The following MGAT4C variants were observed in gnomAD, a reference collection of about 807,000 sequenced individuals.
MGAT4C encodes the protein MGAT4 family member C.
MGAT4C carries 19 observed loss-of-function variants against 40.1 expected under a neutral mutation model. The ratio of observed to expected loss-of-function variants is 0.47; its 90% confidence interval spans 0.33 to 0.70. The LOEUF is 0.70. Ranked by LOEUF, MGAT4C falls within the 30% of genes least tolerant of loss-of-function variation. The pLI is 0.02. For missense variants in MGAT4C, 491 were observed against 563.2 expected (o/e 0.87, Z 1.30); for synonymous variants, 181 against 187.1 (o/e 0.97, Z 0.27).
chr12:86,363,031 AG>A (rs1955516580), intron 3 of MGAT4C, among the ~76,000 whole-genome samples: 1 of 152,186 alleles, frequency 6.6e-6, no homozygotes, highest in African/African-American at 2.4e-5. Flanking sequence ...ATCTAACAAC[AG>A]AACTTAAAAT....
chr12:86,837,362 T>A (rs1195953933), intron 1 of MGAT4C, among the ~76,000 whole-genome samples: 1 of 152,208 alleles, frequency 6.6e-6, no homozygotes, highest in African/African-American at 2.4e-5. Context: ...GAAAATGCAC[T>A]TAAAGTTACG....
chr12:86,499,463 C>T (rs1958298079), intron 2 of MGAT4C, among the ~76,000 whole-genome samples: 1 of 151,648 alleles, frequency 6.6e-6, no homozygotes. Context: ...CAAACTGGGT[C>T]TAAGTGAGAA....
intron 1 of MGAT4C, among the ~76,000 whole-genome samples, chr12:86,751,401 G>A (rs1018448043): frequency 6.6e-6 from 1 of 151,954 alleles, no homozygotes; most frequent in African/African-American, 2.4e-5. Context: ...GTGTGCAGAT[G>A]TAAAAATCCA....
chr12:86,779,423 C>T (rs1951797966), intron 1 of MGAT4C, among the ~76,000 whole-genome samples: 1 of 151,480 alleles, frequency 6.6e-6, no homozygotes, highest in Non-Finnish European at 1.5e-5. Flanking sequence ...AGCGAGACCC[C>T]ATCTCTACAA....
intron 1 of MGAT4C, among the ~76,000 whole-genome samples, chr12:86,117,544 G>T (rs1456753126): frequency 1.3e-5 from 2 of 152,098 alleles, no homozygotes; most frequent in Non-Finnish European, 2.9e-5. Flanking sequence ...AAAATGCAGA[G>T]ATATAGGAAT....
rs185492916 is a variant in MGAT4C at position 86,581,191 on chromosome 12, A to T, written c.-228-145926T>A. ...TCCTTTGCTTTAGCTGTTGCTGCAG[A>T]CAAGTACAGTGATGTTGAGATTTTC... On this transcript the variant is annotated intron_variant, in intron 2 of 7. Transcript: ENST00000548651. Among the ~76,000 whole-genome samples the T allele has an allele frequency of 3.3e-5, 5 of 151,598 alleles. No homozygotes were observed. In the East Asian group the frequency reaches 7.8e-4, roughly 24 times the overall value.
chr12:86,570,534 G>A lies in MGAT4C; in HGVS notation c.-228-135269C>T, dbSNP rs903843428. 5.9e-5 allele frequency among the ~76,000 whole-genome samples: 9 copies of A among 152,096 alleles called. No homozygotes were observed. In the South Asian group the frequency reaches 6.2e-4, roughly 11 times the overall value. On this transcript the variant is annotated intron_variant, in intron 2 of 7. Transcript: ENST00000548651. ...AGCTGAAAAATTAAACTAAAAAAGCGCATCCATTTAAAATGGCTCAAAAAT... is the reference window on the plus strand; with the variant it reads ...AGCTGAAAAATTAAACTAAAAAAGCACATCCATTTAAAATGGCTCAAAAAT...
At chr12:86,634,026 T>G (rs1963141586) in intron 2 of MGAT4C, among the ~76,000 whole-genome samples, 1 of 152,072 alleles carries the variant, frequency 6.6e-6, no homozygotes, top group African/African-American at 2.4e-5. Context: ...ATGCTCTGGT[T>G]AATATAATTA....
At chr12:86,504,430 C>G (rs958173991) in intron 2 of MGAT4C, among the ~76,000 whole-genome samples, 10 of 152,102 alleles carry the variant, frequency 6.6e-5, no homozygotes, top group African/African-American at 2.2e-4. Flanking sequence ...TGAGTATTAA[C>G]AAGTGATAGA....
chr12:86,089,608 C>G (rs895636480), intron 1 of MGAT4C, among the ~76,000 whole-genome samples: 1 of 151,738 alleles, frequency 6.6e-6, no homozygotes, highest in Non-Finnish European at 1.5e-5. Context: ...TCTTGTCCTG[C>G]TGATTATCTT....
At chr12:86,478,761 C>T (rs906406227) in intron 2 of MGAT4C, among the ~76,000 whole-genome samples, 2 of 151,970 alleles carry the variant, frequency 1.3e-5, no homozygotes, top group Non-Finnish European at 2.9e-5. Flanking sequence ...ACCTCACAAC[C>T]ATATTATGCT....
chr12:86,358,279 T>C (rs1955365346), intron 3 of MGAT4C, among the ~76,000 whole-genome samples: 2 of 151,622 alleles, frequency 1.3e-5, no homozygotes, highest in African/African-American at 4.8e-5. Context: ...AAGTAAATAT[T>C]GAGATTTTGT....
At chr12:86,834,469 G>A (rs1330880299) in intron 1 of MGAT4C, among the ~76,000 whole-genome samples, 2 of 151,786 alleles carry the variant, frequency 1.3e-5, no homozygotes, top group African/African-American at 4.8e-5. Flanking sequence ...TGGATGTGGT[G>A]ATGTTATGAC....
intron 2 of MGAT4C, among the ~76,000 whole-genome samples, chr12:86,637,313 T>C (rs763115560): frequency 5.9e-5 from 9 of 151,968 alleles, no homozygotes; most frequent in Non-Finnish European, 1.3e-4. Context: ...GTACTCTGAG[T>C]TGCATATCTT....
chr12:86,505,327 T>A (rs1368857497), intron 2 of MGAT4C, among the ~76,000 whole-genome samples: 1 of 152,210 alleles, frequency 6.6e-6, no homozygotes, highest in Non-Finnish European at 1.5e-5. Context: ...CCTTTCTCAA[T>A]GCAGGAGATG....
rs111237355 is a variant in MGAT4C, at chr12:86,331,129, A to G, written c.-57+2936T>C. 1.7e-3 allele frequency among the ~76,000 whole-genome samples: 255 copies of G among 152,240 alleles called. 4 individuals are homozygous for G. The highest frequency in any genetic ancestry group is 5.8e-3 in the African/African-American group (243 of 41,562). On this transcript the variant is annotated intron_variant, in intron 4 of 7. Transcript: ENST00000548651. ...GTTATAAGAAGGAAGGGCATGAATG[A>G]AAGGAAGTAAAGTATACTTGGAAGA...
intron 2 of MGAT4C, among the ~76,000 whole-genome samples, chr12:86,656,747 G>T (rs1245110227): frequency 6.6e-6 from 1 of 151,932 alleles, no homozygotes; most frequent in Non-Finnish European, 1.5e-5. Flanking sequence ...ACATCTTTTG[G>T]TACTAAGATA....
At chr12:86,383,236 G>C (rs1439928054) in intron 3 of MGAT4C, among the ~76,000 whole-genome samples, 1 of 152,146 alleles carries the variant, frequency 6.6e-6, no homozygotes, top group African/African-American at 2.4e-5. Context: ...AGTCAAAGGA[G>C]ATCATTTTGG....
At chr12:85,991,237 G>C (rs563692460) in intron 2 of MGAT4C, among the ~76,000 whole-genome samples, 1 of 152,272 alleles carries the variant, frequency 6.6e-6, no homozygotes, top group African/African-American at 2.4e-5. Context: ...GCTCCTCTCT[G>C]CAGGTGGCCA....
Sources: gnomAD v4.1 joint callset for allele counts (sites outside exome capture counted in the v4.1 genomes callset) on GRCh38, gnomAD v4.1.1 for gene constraint, MANE v1.5 for transcripts, NCBI Gene and HGNC (gene_info 2026-07-23, HGNC 2026-07-21) for gene names.